Variants in CFAP44 observed in about 807,000 individuals in gnomAD.
The protein encoded by CFAP44 is cilia- and flagella-associated protein 44.
A neutral mutation model predicts 216.2 loss-of-function variants in CFAP44; 134 were observed. The ratio of observed to expected loss-of-function variants is 0.62; its 90% CI spans 0.54 to 0.72. The LOEUF is 0.72. Ranked by LOEUF, CFAP44 falls within the 30% of genes least tolerant of loss-of-function variation. The pLI is 0.00. For synonymous variants in CFAP44, 700 were observed against 727.6 expected, an observed-to-expected ratio of 0.96 and a Z score of 0.61; for missense variants, 2,035 against 2,182.1, an observed-to-expected ratio of 0.93 and a Z score of 1.34.
chr3:113,423,648 C>T (rs561506817), intron 4 of CFAP44, among the ~76,000 whole-genome samples: 2 of 152,286 alleles, frequency 1.3e-5, no homozygotes, highest in African/African-American at 4.8e-5. Flanking sequence ...ATTGTTTAAA[C>T]ACTGTTAAGT....
chr3:113,391,703 G>A (rs759072693), intron 15 of CFAP44, among the ~76,000 whole-genome samples: 3 of 150,718 alleles, frequency 2.0e-5, no homozygotes, highest in Non-Finnish European at 3.0e-5. Flanking sequence ...ACAACTCTAT[G>A]GGGGAAAAAA....
chr3:113,328,231 T>A (rs541146994), intron 26 of CFAP44, among the ~76,000 whole-genome samples: 6 of 145,822 alleles, frequency 4.1e-5, no homozygotes, highest in South Asian at 4.4e-4. Context: ...TTGAAAATTT[T>A]CAAAACCACA....
At chr3:113,314,606 A>G (rs1950070277) in intron 28 of CFAP44, among the ~76,000 whole-genome samples, 1 of 152,218 alleles carries the variant, frequency 6.6e-6, no homozygotes. Flanking sequence ...CATGATAAGC[A>G]AAAATATGGG....
intron 16 of CFAP44, among the ~76,000 whole-genome samples, chr3:113,380,156 T>C (rs972056119): frequency 2.0e-5 from 3 of 152,206 alleles, no homozygotes; most frequent in Non-Finnish European, 4.4e-5. Context: ...CATCTAGCAT[T>C]AGGTATATCT....
rs1950210721 is a variant in CFAP44 at position 113,328,695 on chromosome 3, T to TAAAAAAAAAAAAAAAAAAAAAAAAA, written c.4117-877_4117-876insTTTTTTTTTTTTTTTTTTTTTTTTT. 1.1e-4 allele frequency among the ~76,000 whole-genome samples: 8 copies of TAAAAAAAAAAAAAAAAAAAAAAAAA among 72,346 alleles called. 1 individual carries two copies. The highest frequency in any genetic ancestry group is 1.9e-4 in the African/African-American group (4 of 21,376). 47.5% of individuals were successfully genotyped at this position (72,346 alleles called of 152,430 possible). A position where few individuals can be genotyped will look rare whatever the true frequency, so the allele number is the denominator to read the frequency against. On this transcript the variant is annotated intron_variant, in intron 26 of 34. Coordinates refer to ENST00000393845, the MANE Select transcript of CFAP44 (RefSeq NM_001164496.2). ...AAACTACCAGAGAAATTTAGAGAGC[T>TAAAAAAAAAAAAAAAAAAAAAAAAA]TAAAAAAAAAAAAAAAAAAAAAAAA... is the stretch of plus-strand genomic sequence containing the variant.
chr3:113,304,167 G>A (rs749879766), intron 31 of CFAP44, 50 bp from the exon 32 acceptor site: 1 of 1,513,586 alleles, frequency 6.6e-7, no homozygotes, highest in South Asian at 1.2e-5. Flanking sequence ...CACAGATTTT[G>A]TATGGCAACA....
intron 22 of CFAP44, among the ~76,000 whole-genome samples, chr3:113,346,437 C>G (rs915519144): frequency 1.3e-5 from 2 of 152,010 alleles, no homozygotes; most frequent in African/African-American, 4.8e-5. Flanking sequence ...AAGCACCAAT[C>G]AGCACTCTGT....
chr3:113,358,979 A>G (rs1031928158), intron 21 of CFAP44, 104 bp from the exon 22 acceptor site: 421 of 1,320,404 alleles, frequency 3.2e-4, no homozygotes, highest in Non-Finnish European at 3.9e-4. Context: ...ACTCTTCCCC[A>G]AATATCATAA....
rs180857227 is a variant in CFAP44 at position 113,371,141 on chromosome 3, C to T, written c.2444+2270G>A. Among the ~76,000 whole-genome samples the T allele has an allele frequency of 4.1e-3, 618 of 152,204 alleles. 7 individuals carry two copies. The highest frequency in any genetic ancestry group is 0.014 in the African/African-American group (590 of 41,538). On this transcript the variant is annotated intron_variant, in intron 18 of 34. Transcript: ENST00000393845. ...GGATAGGAAGAATCAATATCATGAA[C>T]ATGGCCATATTGTCCAAGGTAATTC...
intron 18 of CFAP44, among the ~76,000 whole-genome samples, chr3:113,372,122 CTG>C (rs1276723711): frequency 2.0e-5 from 3 of 152,224 alleles, no homozygotes; most frequent in African/African-American, 7.2e-5. Context: ...TGCTTTTACA[CTG>C]CTGGTGGGAA....
chr3:113,333,572 T>G lies in CFAP44; in HGVS notation c.3449A>C (p.Lys1150Thr), dbSNP rs370719601. ...GGGATCTTCATAGTCATCACCAGGTTTACTCTTGTATCTATTAGAAAAACA... is the reference window on the plus strand; with the variant it reads ...GGGATCTTCATAGTCATCACCAGGTGTACTCTTGTATCTATTAGAAAAACA... The part of the protein sequence containing the change: ...KKEWEELYKS[K>T]PGDDYEDPKD... Residue 1150 changes from lysine (K) to threonine (T), a missense_variant, in exon 25 of 35, where the codon AAA becomes ACA. This residue lies in a region of CFAP44 where 1,883 missense variants were observed against 2,023.7 expected (regional missense o/e 0.93). Coordinates refer to ENST00000393845, the MANE Select transcript of CFAP44 (RefSeq NM_001164496.2). 1 of 1,531,876 alleles carries G rather than the reference T, an allele frequency of 6.5e-7. No individual in the cohort carries two copies. The allele number at this position is 1,531,876 out of a possible 1,614,324, so 94.9% of individuals were successfully genotyped here.
chr3:113,412,369 C>T (rs1271477430), intron 6 of CFAP44, among the ~76,000 whole-genome samples: 2 of 151,884 alleles, frequency 1.3e-5, no homozygotes, highest in South Asian at 2.1e-4. Flanking sequence ...TGGATCGGGA[C>T]CCCTTTTCCA....
intron 15 of CFAP44, among the ~76,000 whole-genome samples, chr3:113,390,922 A>C (rs1933779037): frequency 6.6e-6 from 1 of 152,172 alleles, no homozygotes; most frequent in South Asian, 2.1e-4. Flanking sequence ...TAGTATCTAA[A>C]GCAATCTACA....
intron 9 of CFAP44, 79 bp from the exon 10 acceptor site, chr3:113,401,818 T>A: frequency 2.1e-6 from 3 of 1,435,548 alleles, no homozygotes; most frequent in Non-Finnish European, 2.8e-6. Context: ...AAACCCTGAT[T>A]TTTTTTTCAA....
intron 2 of CFAP44, among the ~76,000 whole-genome samples, chr3:113,432,848 T>A (rs952059696): frequency 6.6e-6 from 1 of 152,212 alleles, no homozygotes; most frequent in Non-Finnish European, 1.5e-5. Flanking sequence ...TATTCCCACA[T>A]CTTGTCATAG....
Position 113,358,733 on chromosome 3 carries a change from T to C in CFAP44, c.3065+12A>G. ...CTCAAACATCTTAGCTTGTAGAGAA[T>C]ATGGATCCTACCGATTCTTTAGCTT... is the stretch of plus-strand genomic sequence containing the variant. On this transcript the variant is annotated intron_variant, in intron 22 of 34. Coordinates refer to ENST00000393845, the MANE Select transcript of CFAP44 (RefSeq NM_001164496.2). 6.5e-7 allele frequency: 1 copy of C among 1,536,284 alleles called. No individual in the cohort carries two copies. The highest frequency in any genetic ancestry group is 8.7e-7 in the Non-Finnish European group (1 of 1,146,200).
In CFAP44 at chr3:113,427,264, A is replaced by G. The variant is rs1373128033; in HGVS notation, c.176T>C (p.Leu59Ser). 6.2e-7 allele frequency: 1 copy of G among 1,613,544 alleles called. No homozygotes were observed. The highest frequency in any genetic ancestry group is 1.3e-5 in the African/African-American group (1 of 75,024). Residue 59 changes from leucine to serine, a missense_variant, in exon 3 of 35, where the codon TTA (leucine) becomes TCA (serine). Leu to Ser is a moderately radical substitution (Grantham distance 145, BLOSUM62 -2). Transcript: ENST00000393845. ...ACGTTCCTCATCTGAGTCTTCTTCT[A>G]AATATGATCCTTCCCCTTTGGTAAA... ...ETFTKGEGSY[L>S]EEDSDEERLE...
Position 113,344,731 on chromosome 3 carries a change from T to C in CFAP44, c.3066-19A>G, listed in dbSNP as rs1205552681. 6.7e-7 allele frequency: 1 copy of C among 1,488,368 alleles called. No individual in the cohort carries two copies. The highest frequency in any genetic ancestry group is 8.9e-7 in the Non-Finnish European group (1 of 1,127,560). The allele number at this position is 1,488,368 out of a possible 1,614,324, so 92.2% of individuals were successfully genotyped here. On this transcript the variant is annotated intron_variant, in intron 22 of 34. Transcript: ENST00000393845. ...TCGAAATCTGAAAAAATAAAACAAG[T>C]ATTTGCAGTAGTCACCATTTTGATC...
At chr3:113,354,679 C>A (rs1559921133) in intron 22 of CFAP44, among the ~76,000 whole-genome samples, 1 of 152,198 alleles carries the variant, frequency 6.6e-6, no homozygotes, top group Non-Finnish European at 1.5e-5. Context: ...TCCCTGCCCC[C>A]ACCTGGTGGT....
Sources: allele counts gnomAD v4.1 joint callset (sites outside exome capture counted in the v4.1 genomes callset), GRCh38; gene constraint gnomAD v4.1.1; regional missense constraint gnomAD v4.1.1; transcripts MANE v1.5; gene names NCBI Gene and HGNC (gene_info 2026-07-23, HGNC 2026-07-21).